CEMIP: variants seen among roughly 807,000 people sequenced by gnomAD.
CEMIP encodes cell migration-inducing and hyaluronan-binding protein.
CEMIP carries 105 observed loss-of-function variants against 156.9 expected under a neutral mutation model. The observed-to-expected ratio is 0.67, with a 90% CI of 0.57 to 0.79. The LOEUF (loss-of-function observed/expected upper bound fraction) is 0.79. CEMIP is among the 30% of genes least tolerant of loss of function. The probability of loss-of-function intolerance (pLI) is 0.00; values close to 1 mark genes in which losing one functional copy is unlikely to be tolerated. For missense variants in CEMIP, 1,457 were observed against 1,769.4 expected (o/e 0.82, Z 3.17); for synonymous variants, 676 against 668.4 (o/e 1.01, Z -0.17).
At chr15:80,890,537 A>C (rs1003827497) in intron 10 of CEMIP, among the ~76,000 whole-genome samples, 11 of 151,394 alleles carry the variant, frequency 7.3e-5, no homozygotes, top group Non-Finnish European at 1.6e-4. Flanking sequence ...TGGTGAGCTG[A>C]GATCGCACCA....
Position 80,909,133 on chromosome 15 carries a change from AC to A in CEMIP, c.1625del (p.Thr542ArgfsTer3). ...LGFKAAHLEG[T>X]ELKHMGQQLV... Reference sequence around the variant, plus strand: ...ATTTAAGGCAGCACACTTGGAGGGCACGGAGCTGAAGCATATGGGACAGCAG... The same window carrying A: ...ATTTAAGGCAGCACACTTGGAGGGCAGGAGCTGAAGCATATGGGACAGCAG... On this transcript the variant is annotated frameshift_variant, in exon 14 of 30. Transcript: ENST00000394685. LOFTEE classifies it high-confidence loss of function. The A allele has an allele frequency of 6.2e-7, 1 of 1,614,142 alleles. No individual in the cohort carries two copies. Among genetic ancestry groups the A allele is most frequent in the Non-Finnish European group, 8.5e-7 (1 of 1,180,030 alleles).
intron 19 of CEMIP, 70 bp from the exon 20 acceptor site, chr15:80,928,832 C>T: frequency 6.3e-7 from 1 of 1,595,372 alleles, no homozygotes; most frequent in Non-Finnish European, 8.6e-7. Flanking sequence ...GGGAAGTGTC[C>T]TTCTCTCCAC....
intron 1 of CEMIP, among the ~76,000 whole-genome samples, chr15:80,796,977 T>A (rs1052738592): frequency 6.6e-6 from 1 of 152,164 alleles, no homozygotes; most frequent in Non-Finnish European, 1.5e-5. Context: ...TCAGATAACC[T>A]GGTACATTAA....
At chr15:80,845,704 C>G (rs1897537115) in intron 1 of CEMIP, among the ~76,000 whole-genome samples, 1 of 152,208 alleles carries the variant, frequency 6.6e-6, no homozygotes, top group Admixed American at 6.5e-5. Context: ...CAGCCTTTAA[C>G]CTTCCCACAG....
At chr15:80,815,234 A>G (rs1896763762) in intron 1 of CEMIP, among the ~76,000 whole-genome samples, 1 of 152,270 alleles carries the variant, frequency 6.6e-6, no homozygotes, top group Non-Finnish European at 1.5e-5. Context: ...CAAATGCCTC[A>G]GCCTCTCTGA....
In CEMIP at chr15:80,933,225, C is replaced by T; in HGVS notation, c.2794-20C>T. ...CCCTTCACCTTCTAGCCCTGCCTAA[C>T]TTTCCTGGGCTCTGTTTAGATTACT... On this transcript the variant is annotated intron_variant, in intron 22 of 29. Coordinates refer to ENST00000394685, the MANE Select transcript of CEMIP (RefSeq NM_001293298.2). The T allele has an allele frequency of 6.2e-7, 1 of 1,609,816 alleles. No individual in the cohort carries two copies. Among genetic ancestry groups the T allele is most frequent in the Non-Finnish European group, 8.5e-7 (1 of 1,176,036 alleles).
intron 13 of CEMIP, among the ~76,000 whole-genome samples, chr15:80,908,851 C>T (rs967053078): frequency 1.3e-5 from 2 of 152,236 alleles, no homozygotes; most frequent in African/African-American, 4.8e-5. Flanking sequence ...CTCTTCAGAA[C>T]ATCTCATTTC....
intron 1 of CEMIP, among the ~76,000 whole-genome samples, chr15:80,824,861 C>T (rs1337057481): frequency 6.6e-6 from 1 of 152,196 alleles, no homozygotes; most frequent in African/African-American, 2.4e-5. Flanking sequence ...TTGGGACAGA[C>T]TCAATAGGCC....
chr15:80,868,573 C>G (rs1455787499), intron 1 of CEMIP, among the ~76,000 whole-genome samples: 1 of 152,194 alleles, frequency 6.6e-6, no homozygotes, highest in Non-Finnish European at 1.5e-5. Context: ...TCTCATATTC[C>G]TATCAGCGCC....
chr15:80,828,608 A>T (rs1897091248), intron 1 of CEMIP, among the ~76,000 whole-genome samples: 1 of 152,196 alleles, frequency 6.6e-6, no homozygotes, highest in African/African-American at 2.4e-5. Context: ...TATATAATGA[A>T]TTTTTTCTGG....
At chr15:80,946,895 C>A in intron 28 of CEMIP, 70 bp from the exon 29 acceptor site, 1 of 1,042,586 alleles carries the variant, frequency 9.6e-7, no homozygotes, top group Non-Finnish European at 1.5e-6. Context: ...CACAAACCAA[C>A]ATCCCTCCCC....
At position 80,920,323 on chromosome 15, in the gene CEMIP, T is replaced by C. The variant is rs762955582; in HGVS notation, c.2003+24T>C. 5.5e-5 allele frequency: 88 copies of C among 1,602,126 alleles called. 1 individual carries two copies. In the South Asian group the frequency reaches 6.7e-4, roughly 12 times the overall value. On this transcript the variant is annotated intron_variant, in intron 15 of 29. Coordinates refer to ENST00000394685, the MANE Select transcript of CEMIP (RefSeq NM_001293298.2). ...AAGTAAGTGCCTGGACCCCTCTCTG[T>C]GTGCTGGGGGGAAGGGGTGTACATG...
intron 1 of CEMIP, among the ~76,000 whole-genome samples, chr15:80,842,305 C>T (rs1457206597): frequency 6.6e-6 from 1 of 152,142 alleles, no homozygotes; most frequent in Non-Finnish European, 1.5e-5. Context: ...CCTTTCTCCC[C>T]CACCAGGACC....
chr15:80,863,706 A>G (rs1898043071), intron 1 of CEMIP, among the ~76,000 whole-genome samples: 1 of 152,194 alleles, frequency 6.6e-6, no homozygotes, highest in Non-Finnish European at 1.5e-5. Flanking sequence ...GGAAGCAGAC[A>G]TCAGAATGGG....
At position 80,925,512 on chromosome 15, in the gene CEMIP, A is replaced by G. The variant is rs1900623868; in HGVS notation, c.2289-112A>G. On this transcript the variant is annotated intron_variant, in intron 18 of 29. Transcript: ENST00000394685. ...AATGCGAATGGGTTTCTGTTCAGTC[A>G]ATGCCTTCCTGGGCACTGTGAGTAG... The G allele has an allele frequency of 4.1e-6, 6 of 1,450,960 alleles. No homozygotes were observed. The South Asian group carries it at 5.9e-5, about 14-fold the overall frequency. The allele number at this position is 1,450,960 out of a possible 1,614,324, so 89.9% of individuals were successfully genotyped here.
chr15:80,900,825 C>T (rs1899498324), intron 12 of CEMIP: 1 of 382,834 alleles, frequency 2.6e-6, no homozygotes, highest in Non-Finnish European at 5.2e-6. Flanking sequence ...GCCCCACCCA[C>T]CCACCTAGGG....
At chr15:80,830,607 G>A (rs143701992) in intron 1 of CEMIP, among the ~76,000 whole-genome samples, 62 of 152,268 alleles carry the variant, frequency 4.1e-4, no homozygotes, top group African/African-American at 1.3e-3. Flanking sequence ...GGGGATGAAC[G>A]TCTTTGTGTT....
chr15:80,786,307 GTTCCC>G (rs1895936553), intron 1 of CEMIP, among the ~76,000 whole-genome samples: 1 of 152,196 alleles, frequency 6.6e-6, no homozygotes, highest in Admixed American at 6.5e-5. Flanking sequence ...CATGAACACA[GTTCCC>G]TGCAGCCCCA....
rs35343835 is a variant in CEMIP, at chr15:80,884,380, C to G, written c.797+26C>G. 0.39 allele frequency: 634,145 copies of G among 1,611,496 alleles called. 135,351 individuals carry two copies. The highest frequency in any genetic ancestry group is 0.45 in the Non-Finnish European group (527,348 of 1,178,140). ...GTACTGCCCCTCACTTCGGCTTCCACTGGGCTCTGGAACATTGAAGCCACT... is the reference window on the plus strand; with the variant it reads ...GTACTGCCCCTCACTTCGGCTTCCAGTGGGCTCTGGAACATTGAAGCCACT... On this transcript the variant is annotated intron_variant, in intron 7 of 29. Transcript: ENST00000394685.
Sources: gnomAD v4.1 joint callset for allele counts (sites outside exome capture counted in the v4.1 genomes callset) on GRCh38, gnomAD v4.1.1 for gene constraint, MANE v1.5 for transcripts, NCBI Gene and HGNC (gene_info 2026-07-23, HGNC 2026-07-21) for gene names.